Variants in HECW1 observed in about 807,000 individuals in gnomAD.
HECW1 encodes E3 ubiquitin-protein ligase HECW1.
A neutral mutation model predicts 182.3 loss-of-function variants in HECW1; 61 were observed. That is an observed-to-expected ratio of 0.33 (90% CI 0.27 to 0.41). The LOEUF is 0.41. Ranked by LOEUF, HECW1 falls within the 10% of genes least tolerant of loss-of-function variation. HECW1 has a pLI of 1.00. For missense variants in HECW1, 1,739 were observed against 2,108.9 expected (o/e 0.82, Z 3.44); for synonymous variants, 859 against 832.6 (o/e 1.03, Z -0.55).
chr7:43,300,495 G>A (rs1401864480), intron 3 of HECW1, among the ~76,000 whole-genome samples: 1 of 152,198 alleles, frequency 6.6e-6, no homozygotes, highest in African/African-American at 2.4e-5. Context: ...GAAGAAGGGT[G>A]GAAGGAGCGA....
chr7:43,236,916 A>T (rs573963902), intron 2 of HECW1, among the ~76,000 whole-genome samples: 1 of 152,242 alleles, frequency 6.6e-6, no homozygotes, highest in African/African-American at 2.4e-5. Flanking sequence ...CATAGTTGCC[A>T]CCTTGAGTTT....
intron 2 of HECW1, among the ~76,000 whole-genome samples, chr7:43,232,561 C>T (rs1797978686): frequency 6.6e-6 from 1 of 152,174 alleles, no homozygotes; most frequent in Non-Finnish European, 1.5e-5. Context: ...GGTTTGGGCT[C>T]AGATGTGCTT....
At chr7:43,166,777 C>A (rs1034635443) in intron 2 of HECW1, among the ~76,000 whole-genome samples, 1 of 152,038 alleles carries the variant, frequency 6.6e-6, no homozygotes, top group Non-Finnish European at 1.5e-5. Flanking sequence ...TGGAAAGGGC[C>A]CATTTGAATT....
chr7:43,182,424 GT>G (rs1346460435), intron 2 of HECW1, among the ~76,000 whole-genome samples: 1 of 152,166 alleles, frequency 6.6e-6, no homozygotes. Flanking sequence ...TTTCCCCAAT[GT>G]GTGTTTTTGG....
intron 3 of HECW1, among the ~76,000 whole-genome samples, chr7:43,305,320 C>T (rs1807410001): frequency 6.6e-6 from 1 of 152,184 alleles, no homozygotes; most frequent in Admixed American, 6.5e-5. Context: ...TCCCTGTATT[C>T]TGATCATAAG....
rs1342475738 is a variant in HECW1 at position 43,336,126 on chromosome 7, C to CTT, written c.460+15385_460+15386insTT. Among the ~76,000 whole-genome samples, 169 of 79,618 alleles carry CTT rather than the reference C, an allele frequency of 2.1e-3. 1 individual carries two copies. Among genetic ancestry groups the CTT allele is most frequent in the Admixed American group, 6.6e-3 (47 of 7,082 alleles). The allele number at this position is 79,618 out of a possible 152,430, so 52.2% of individuals were successfully genotyped here. Reference sequence around the variant, plus strand: ...TTCTTCTTTCTTTCTTTCTTTCTTTCTCTCTCTCTCTCTCTCTTTCTCTCT... The same window carrying CTT: ...TTCTTCTTTCTTTCTTTCTTTCTTTCTTTCTCTCTCTCTCTCTCTTTCTCTCT... On this transcript the variant is annotated intron_variant, in intron 5 of 29. Transcript: ENST00000395891.
At chr7:43,265,277 A>T (rs1360755933) in intron 3 of HECW1, among the ~76,000 whole-genome samples, 1 of 152,122 alleles carries the variant, frequency 6.6e-6, no homozygotes, top group Non-Finnish European at 1.5e-5. Context: ...ACAGCCATTT[A>T]AACACCTCAG....
intron 5 of HECW1, among the ~76,000 whole-genome samples, chr7:43,336,103 C>CTTCTTTCTTTCTTTCTTTCT (rs1300854192): frequency 1.9e-5 from 2 of 107,116 alleles, no homozygotes; most frequent in African/African-American, 7.6e-5. Context: ...TTCTTTCTTT[C>CTTCTTTCTTTCTTTCTTTCT]TTCTTTCTTT....
chr7:43,422,369 T>G (rs2076210626), intron 8 of HECW1, among the ~76,000 whole-genome samples: 3 of 6,442 alleles, frequency 4.7e-4, no homozygotes, highest in Non-Finnish European at 4.6e-4. Context: ...GTTGTTGTTG[T>G]TTTTTTTTTT....
At chr7:43,132,125 T>C (rs1258403571) in intron 2 of HECW1, among the ~76,000 whole-genome samples, 1 of 152,228 alleles carries the variant, frequency 6.6e-6, no homozygotes, top group Non-Finnish European at 1.5e-5. Flanking sequence ...CTGCAAATTC[T>C]CTGTACTGGG....
chr7:43,292,215 T>A (rs967128816), intron 3 of HECW1, among the ~76,000 whole-genome samples: 4 of 152,228 alleles, frequency 2.6e-5, no homozygotes, highest in African/African-American at 9.6e-5. Context: ...CCTACAATCA[T>A]ATCTTAGGAT....
intron 6 of HECW1, among the ~76,000 whole-genome samples, chr7:43,361,186 C>T (rs1384157718): frequency 1.3e-5 from 2 of 151,994 alleles, no homozygotes; most frequent in Non-Finnish European, 2.9e-5. Flanking sequence ...GATCCATAGT[C>T]GACCTTATTA....
chr7:43,450,208 G>A (rs931828371), intron 11 of HECW1, among the ~76,000 whole-genome samples: 1 of 151,846 alleles, frequency 6.6e-6, no homozygotes, highest in African/African-American at 2.4e-5. Flanking sequence ...AAATAATCTG[G>A]ACAGTCCTGA....
In HECW1 at chr7:43,444,975, C is replaced by A. The variant is rs369433003; in HGVS notation, c.1803C>A (p.Ser601Arg). The change falls in exon 11 of 30, where the codon AGC becomes AGA. Residue 601 changes from serine to arginine, a missense_variant. By Grantham distance (110) the Ser-to-Arg change is moderately radical. Around this residue, in one of 5 missense-constraint regions of HECW1, gnomAD observed 971 missense variants for 1,029.1 expected, o/e 0.94. Transcript: ENST00000395891. This position sits in a 1 kb window ranked among gnomAD's most constrained non-coding sequence, Gnocchi z 4.3. The stretch of plus-strand genomic sequence containing the variant: ...ACTCCTCGGAGAAGGATGGGCTCAG[C>A]GAGGTGGACACGGTGGCCGCTGACC... ...LKDSSEKDGLSEVDTVAADPS... is the reference protein window; with the variant it reads ...LKDSSEKDGLREVDTVAADPS... 3.2e-6 allele frequency: 5 copies of A among 1,562,688 alleles called. No individual in the cohort carries two copies. Among genetic ancestry groups the A allele is most frequent in the Non-Finnish European group, 4.3e-6 (5 of 1,153,010 alleles).
intron 24 of HECW1, among the ~76,000 whole-genome samples, chr7:43,523,639 C>T (rs1265702801): frequency 1.3e-5 from 2 of 151,538 alleles, no homozygotes; most frequent in African/African-American, 4.9e-5. Context: ...AACGCCATCT[C>T]GAAAAAAAGA....
intron 8 of HECW1, among the ~76,000 whole-genome samples, chr7:43,412,346 G>C (rs2075828928): frequency 6.6e-6 from 1 of 151,858 alleles, no homozygotes; most frequent in Non-Finnish European, 1.5e-5. Context: ...AAGTGGATGT[G>C]TATTTTAAAG....
intron 3 of HECW1, among the ~76,000 whole-genome samples, chr7:43,295,671 C>T (rs532352561): frequency 1.8e-4 from 27 of 152,288 alleles, no homozygotes; most frequent in African/African-American, 6.5e-4. Context: ...AGTGGAACAT[C>T]TGCATGACCT....
chr7:43,449,837 T>A (rs1254017914), intron 11 of HECW1, among the ~76,000 whole-genome samples: 1 of 152,186 alleles, frequency 6.6e-6, no homozygotes, highest in African/African-American at 2.4e-5. Flanking sequence ...TCTGCAAAGA[T>A]CAAGAGCACT....
chr7:43,559,119 G>A (rs2082127140), intron 29 of HECW1, among the ~76,000 whole-genome samples: 1 of 152,192 alleles, frequency 6.6e-6, no homozygotes, highest in South Asian at 2.1e-4. Context: ...CTTTGGCCCT[G>A]TGTTGGTTAA....
Sources: allele counts gnomAD v4.1 joint callset (sites outside exome capture counted in the v4.1 genomes callset), GRCh38; gene constraint gnomAD v4.1.1; regional missense constraint gnomAD v4.1.1; non-coding constraint Gnocchi (gnomAD v3.1); transcripts MANE v1.5; gene names NCBI Gene and HGNC (gene_info 2026-07-23, HGNC 2026-07-21).